Variants in SPINK6 observed in about 807,000 individuals in gnomAD.
SPINK6 encodes serine peptidase inhibitor Kazal type 6, also known as serine protease inhibitor Kazal-type 6.
A neutral mutation model predicts 11.7 loss-of-function variants in SPINK6; 13 were observed. That is an observed-to-expected ratio of 1.11 (90% CI 0.72 to 1.76). The LOEUF (loss-of-function observed/expected upper bound fraction) is 1.76, where lower values mean the gene tolerates loss of function less well. SPINK6 is among the 40% of genes most tolerant of loss of function. SPINK6 has a pLI of 0.00. For missense variants in SPINK6, 98 were observed against 93.7 expected (o/e 1.05, Z -0.19); for synonymous variants, 21 against 31.9 (o/e 0.66, Z 1.15).
chr5:148,214,090 C>T (rs1043882622), intron 3 of SPINK6, 65 bp downstream of exon 3: 17 of 994,602 alleles, frequency 1.7e-5, no homozygotes, highest in South Asian at 2.9e-5. Flanking sequence ...GACTAAGACA[C>T]TTTTTCGAGG....
intron 2 of SPINK6, among the ~76,000 whole-genome samples, chr5:148,207,110 A>C (rs1019415362): frequency 8.6e-5 from 13 of 152,018 alleles, no homozygotes; most frequent in South Asian, 2.1e-4. Context: ...TTGTCATATG[A>C]AACTGTATAC....
intron 1 of SPINK6, among the ~76,000 whole-genome samples, chr5:148,203,575 T>C (rs1462967544): frequency 6.6e-6 from 1 of 152,202 alleles, no homozygotes; most frequent in Non-Finnish European, 1.5e-5. Flanking sequence ...GGATGGATAA[T>C]TGCATTAAAT....
At chr5:148,211,084 A>C (rs1343255995) in intron 2 of SPINK6, among the ~76,000 whole-genome samples, 1 of 152,156 alleles carries the variant, frequency 6.6e-6, no homozygotes, top group Non-Finnish European at 1.5e-5. Flanking sequence ...TAGTTGACTT[A>C]ATGACCATAT....
At chr5:148,209,491 T>G (rs1581141473) in intron 2 of SPINK6, among the ~76,000 whole-genome samples, 1 of 152,280 alleles carries the variant, frequency 6.6e-6, no homozygotes, top group East Asian at 1.9e-4. Flanking sequence ...TAGTTTCAAA[T>G]AAGATAACTT....
chr5:148,210,026 G>A lies in SPINK6; in HGVS notation c.82-3884G>A, dbSNP rs568874212. Reference sequence around the variant, plus strand: ...TGTATACATGTATGTACGCATGTACGCATGCACAAACGTATGTATGCATAT... The same window carrying A: ...TGTATACATGTATGTACGCATGTACACATGCACAAACGTATGTATGCATAT... On this transcript the variant is annotated intron_variant, in intron 2 of 3. Coordinates refer to ENST00000325630, the MANE Select transcript of SPINK6 (RefSeq NM_205841.4). 4.9e-3 allele frequency among the ~76,000 whole-genome samples: 76 copies of A among 15,598 alleles called. 4 individuals carry two copies. The highest frequency in any genetic ancestry group is 6.9e-3 in the African/African-American group (66 of 9,532). 10.2% of individuals were successfully genotyped at this position (15,598 alleles called of 152,430 possible). A position where few individuals can be genotyped will look rare whatever the true frequency, so the allele number is the denominator to read the frequency against.
chr5:148,203,006 C>T (rs1755452610), upstream of SPINK6: 6 of 1,019,662 alleles, frequency 5.9e-6, no homozygotes, highest in Non-Finnish European at 8.8e-6. Flanking sequence ...CTCATGTGGT[C>T]TGAATGTATT....
intron 2 of SPINK6, among the ~76,000 whole-genome samples, chr5:148,208,805 C>T (rs1405353499): frequency 2.0e-5 from 3 of 152,154 alleles, no homozygotes; most frequent in Non-Finnish European, 4.4e-5. Context: ...TTAAAAGACA[C>T]ATTTTCAGAA....
intron 1 of SPINK6, 30 bp downstream of exon 1, chr5:148,203,184 T>C: frequency 6.5e-7 from 1 of 1,541,054 alleles, no homozygotes; most frequent in Non-Finnish European, 8.9e-7. Flanking sequence ...TAAGATCCCA[T>C]ATTTATACTG....
rs756890439 is a variant in SPINK6 at position 148,203,102 on chromosome 5, A to G, written c.6A>G (p.Lys2=). The change falls in exon 1 of 4, where the codon AAA becomes AAG. Residue 2 remains lysine, a synonymous_variant. Coordinates refer to ENST00000325630, the MANE Select transcript of SPINK6 (RefSeq NM_205841.4). ...TGAGTGAGCTAACTGACACAATGAAACTGTCAGGCATGTTTCTGCTCCTCT... is the reference window on the plus strand; with the variant it reads ...TGAGTGAGCTAACTGACACAATGAAGCTGTCAGGCATGTTTCTGCTCCTCT... M[K]LSGMFLLLSL... 6.2e-7 allele frequency: 1 copy of G among 1,610,072 alleles called. No individual in the cohort carries two copies. Among genetic ancestry groups the G allele is most frequent in the Middle Eastern group, 1.7e-4 (1 of 6,028 alleles).
intron 2 of SPINK6, among the ~76,000 whole-genome samples, chr5:148,210,164 A>ATATG (rs1485896860): frequency 6.4e-5 from 1 of 15,666 alleles, no homozygotes; most frequent in African/African-American, 9.7e-5. Flanking sequence ...TTCTGCATGC[A>ATATG]TATGTATTTC....
At chr5:148,209,828 A>C (rs1025324760) in intron 2 of SPINK6, among the ~76,000 whole-genome samples, 1 of 152,028 alleles carries the variant, frequency 6.6e-6, no homozygotes. Context: ...AAATGCTGCT[A>C]TCATGAAAAA....
chr5:148,210,063 T>C (rs1755562613), intron 2 of SPINK6, among the ~76,000 whole-genome samples: 2 of 121,628 alleles, frequency 1.6e-5, no homozygotes, highest in Admixed American at 9.4e-5. Context: ...TGTATGTATA[T>C]GTATGTATGC....
At position 148,203,128 on chromosome 5, in the gene SPINK6, C is replaced by G; in HGVS notation, c.32C>G (p.Ser11Cys). The G allele has an allele frequency of 6.2e-7, 1 of 1,612,660 alleles. No individual in the cohort carries two copies. The highest frequency in any genetic ancestry group is 8.5e-7 in the Non-Finnish European group (1 of 1,179,664). The change falls in exon 1 of 4, where the codon TCT (serine) becomes TGT (cysteine). Residue 11 changes from serine (S) to cysteine (C), a missense_variant. Ser to Cys is a moderately radical substitution (Grantham distance 112). Transcript: ENST00000325630. MKLSGMFLLLSLALFCFLTGV... is the reference protein window; with the variant it reads MKLSGMFLLLCLALFCFLTGV... ...CTGTCAGGCATGTTTCTGCTCCTCT[C>G]TCTGGCTCTTTTCTGCTTTTTAACA...
chr5:148,210,059 TATATGTATGTATGC>T (rs1417601054), intron 2 of SPINK6, among the ~76,000 whole-genome samples: 2 of 113,262 alleles, frequency 1.8e-5, no homozygotes, highest in African/African-American at 5.6e-5. Context: ...TATATGTATG[TATATGTATGTATGC>T]ATATATGTAT....
chr5:148,213,316 A>G (rs781412548), intron 2 of SPINK6, among the ~76,000 whole-genome samples: 21 of 151,918 alleles, frequency 1.4e-4, no homozygotes, highest in Non-Finnish European at 2.9e-4. Flanking sequence ...GGTTCATGCC[A>G]TTCTCCTGCC....
At chr5:148,211,496 A>T (rs1182909612) in intron 2 of SPINK6, among the ~76,000 whole-genome samples, 8 of 152,194 alleles carry the variant, frequency 5.3e-5, no homozygotes, top group African/African-American at 1.9e-4. Context: ...ATTCTATATT[A>T]GTTCTCTACA....
In SPINK6 at chr5:148,215,077, A is replaced by T; in HGVS notation, c.*127A>T. ...TACCTACTCTGCCTGGGTCTTGAGG[A>T]GTTCAATGTATGTCTATTTCTCTTG... On this transcript the variant is annotated 3_prime_UTR_variant, in exon 4 of 4. Transcript: ENST00000325630. 2 of 742,352 alleles carry T rather than the reference A, an allele frequency of 2.7e-6. No homozygotes were observed. The highest frequency in any genetic ancestry group is 4.5e-6 in the Non-Finnish European group (2 of 445,538). The allele number at this position is 742,352 out of a possible 1,614,324, so 46.0% of individuals were successfully genotyped here.
At chr5:148,214,882 A>G (rs759271162) in intron 3 of SPINK6, 23 bp from the exon 4 acceptor site, 1 of 1,605,680 alleles carries the variant, frequency 6.2e-7, no homozygotes, top group Non-Finnish European at 8.5e-7. Context: ...CACTGAGTAT[A>G]TATTTGTCTT....
At chr5:148,205,966 C>T (rs1755492462) in intron 1 of SPINK6, 70 bp from the exon 2 acceptor site, 2 of 1,536,394 alleles carry the variant, frequency 1.3e-6, no homozygotes, top group African/African-American at 1.4e-5. Flanking sequence ...TAGGAATTTC[C>T]TAATGTTGAA....
Sources: allele counts gnomAD v4.1 joint callset (sites outside exome capture counted in the v4.1 genomes callset), GRCh38; gene constraint gnomAD v4.1.1; transcripts MANE v1.5; gene names NCBI Gene and HGNC (gene_info 2026-07-23, HGNC 2026-07-21).